The following MAP3K7CL variants were observed in gnomAD, a reference collection of about 807,000 sequenced individuals.
MAP3K7CL encodes the protein MAP3K7 C-terminal like.
Under a neutral mutation model 18.6 loss-of-function variants are expected in MAP3K7CL, and 16 were observed. That is an observed-to-expected ratio of 0.86 (90% CI 0.58 to 1.31). The LOEUF (loss-of-function observed/expected upper bound fraction) is 1.31. Among genes scored for constraint, MAP3K7CL ranks in the 50% most tolerant of loss-of-function variants. The pLI is 0.00. For missense variants in MAP3K7CL, 163 were observed against 174.4 expected, an observed-to-expected ratio of 0.93 and a Z score of 0.37; for synonymous variants, 65 against 66.8, an observed-to-expected ratio of 0.97 and a Z score of 0.13.
intron 4 of MAP3K7CL, among the ~76,000 whole-genome samples, chr21:29,101,287 C>A (rs2086225736): frequency 1.3e-5 from 2 of 152,184 alleles, no homozygotes; most frequent in Non-Finnish European, 2.9e-5. Flanking sequence ...CACAGAGTAT[C>A]TGCTTCATAA....
At chr21:29,099,947 G>T (rs1231548805) in intron 4 of MAP3K7CL, among the ~76,000 whole-genome samples, 1 of 152,078 alleles carries the variant, frequency 6.6e-6, no homozygotes, top group Non-Finnish European at 1.5e-5. Flanking sequence ...GCCGGGCGTG[G>T]TGGCGGGCGC....
chr21:29,154,151 G>A (rs540615228), intron 3 of MAP3K7CL, among the ~76,000 whole-genome samples: 1 of 152,270 alleles, frequency 6.6e-6, no homozygotes, highest in East Asian at 1.9e-4. Flanking sequence ...TCACATTGTT[G>A]TGGGAATTAA....
At chr21:29,110,176 T>A (rs575661327) in intron 4 of MAP3K7CL, among the ~76,000 whole-genome samples, 1 of 152,336 alleles carries the variant, frequency 6.6e-6, no homozygotes, top group East Asian at 1.9e-4. Context: ...AACACAAAAT[T>A]AATCTATTTT....
At chr21:29,160,892 ATTG>A (rs1419749405) in intron 4 of MAP3K7CL, among the ~76,000 whole-genome samples, 1 of 152,248 alleles carries the variant, frequency 6.6e-6, no homozygotes, top group African/African-American at 2.4e-5. Flanking sequence ...TGAGTAAATT[ATTG>A]TTGATGTGTG....
intron 3 of MAP3K7CL, among the ~76,000 whole-genome samples, chr21:29,152,152 G>T (rs1174315440): frequency 6.6e-6 from 1 of 152,184 alleles, no homozygotes; most frequent in East Asian, 1.9e-4. Context: ...TTTTGGGTAG[G>T]GTTGCCTCTG....
Position 29,175,504 on chromosome 21 carries a change from A to C in MAP3K7CL, c.*612A>C. ...TTAGCAGAAACCATGTTTGTAACCA[A>C]AGCACATTTGCCAATGCTAACTGGC... On this transcript the variant is annotated 3_prime_UTR_variant, in exon 5 of 5. Transcript: ENST00000399928. 1 of 152,244 alleles carries C rather than the reference A, an allele frequency of 6.6e-6. No homozygotes were observed. The highest frequency in any genetic ancestry group is 1.9e-4 in the East Asian group (1 of 5,202). The allele number at this position is 152,244 out of a possible 1,614,324, so 9.4% of individuals were successfully genotyped here. A position where few individuals can be genotyped will look rare whatever the true frequency, so the allele number is the denominator to read the frequency against.
In MAP3K7CL at chr21:29,167,800, T is replaced by C. The variant is rs376862114; in HGVS notation, c.249-6912T>C. ...CTGCAAGCTCCATCTCCCCGGTTCA[T>C]GCCATTCTCCTGCTTCAGCCTCCCA... On this transcript the variant is annotated intron_variant, in intron 4 of 4. Transcript: ENST00000399928. 1.8e-4 allele frequency among the ~76,000 whole-genome samples: 27 copies of C among 150,216 alleles called. No homozygotes were observed. The East Asian group carries it at 4.4e-3, about 24-fold the overall frequency.
chr21:29,131,941 A>C (rs1332913695), intron 1 of MAP3K7CL, among the ~76,000 whole-genome samples: 1 of 152,214 alleles, frequency 6.6e-6, no homozygotes, highest in Admixed American at 6.5e-5. Flanking sequence ...GTGCTGTGAG[A>C]AAATGTCCTG....
chr21:29,153,354 G>T lies in MAP3K7CL; in HGVS notation c.132+4104G>T, dbSNP rs528563508. Among the ~76,000 whole-genome samples the T allele has an allele frequency of 6.6e-5, 10 of 152,340 alleles. No homozygotes were observed. The South Asian group carries it at 2.1e-3, about 32-fold the overall frequency. ...AAATTTCCCATGCCCATCAGGGACA[G>T]TATTTGAGTAGAGCTAGTGTAGATG... On this transcript the variant is annotated intron_variant, in intron 3 of 4. Transcript: ENST00000399928.
chr21:29,100,045 C>T (rs1191504931), intron 4 of MAP3K7CL, among the ~76,000 whole-genome samples: 1 of 150,436 alleles, frequency 6.6e-6, no homozygotes, highest in Non-Finnish European at 1.5e-5. Context: ...ATCACGCCAC[C>T]TCACTCTAGC....
In MAP3K7CL at chr21:29,159,939, A is replaced by G; in HGVS notation, c.133-2A>G. The G allele has an allele frequency of 6.2e-7, 1 of 1,611,064 alleles. No homozygotes were observed. The highest frequency in any genetic ancestry group is 8.5e-7 in the Non-Finnish European group (1 of 1,178,018). On this transcript the variant is annotated splice_acceptor_variant, in intron 3 of 4. Transcript: ENST00000399928. LOFTEE classifies it high-confidence loss of function. Reference sequence around the variant, plus strand: ...ACTAATTTCTTCTTGTTGTTTGTGAAGCCCCTGCCGCCTTGTCATGACTCC... The same window carrying G: ...ACTAATTTCTTCTTGTTGTTTGTGAGGCCCCTGCCGCCTTGTCATGACTCC...
intron 2 of MAP3K7CL, among the ~76,000 whole-genome samples, chr21:29,141,037 A>G (rs2086995513): frequency 6.6e-6 from 1 of 152,182 alleles, no homozygotes; most frequent in Non-Finnish European, 1.5e-5. Flanking sequence ...TCAGCCTCCC[A>G]AAGTGCTGAG....
chr21:29,092,306 A>G (rs902974833), intron 3 of MAP3K7CL: 3 of 757,914 alleles, frequency 4.0e-6, no homozygotes, highest in East Asian at 3.4e-5. Flanking sequence ...GATTTAAACC[A>G]TTAACAACCC....
chr21:29,124,353 C>CA (rs59499297), intron 4 of MAP3K7CL, among the ~76,000 whole-genome samples: 2,258 of 78,178 alleles, frequency 0.029, 113 homozygotes, highest in East Asian at 0.14. Flanking sequence ...GACTCCGTCT[C>CA]AAAAAAAAAA....
At chr21:29,168,133 A>C (rs192010639) in intron 4 of MAP3K7CL, among the ~76,000 whole-genome samples, 1 of 152,226 alleles carries the variant, frequency 6.6e-6, no homozygotes, top group East Asian at 1.9e-4. Context: ...TTAAATATTT[A>C]CTCAGCCTCC....
At chr21:29,167,162 A>G (rs1476755287) in intron 4 of MAP3K7CL, among the ~76,000 whole-genome samples, 2 of 152,354 alleles carry the variant, frequency 1.3e-5, no homozygotes, top group South Asian at 2.1e-4. Context: ...GATGTTACAC[A>G]GGTTCTCCTG....
At chr21:29,109,558 T>C in intron 4 of MAP3K7CL, 1 of 1,020,308 alleles carries the variant, frequency 9.8e-7, no homozygotes, top group Non-Finnish European at 1.2e-6. Context: ...TCTACTGAAA[T>C]CCATTTTTTG....
In MAP3K7CL at chr21:29,175,815, A is replaced by C. The variant is rs1167821007; in HGVS notation, c.*923A>C. 3.3e-5 allele frequency: 5 copies of C among 152,210 alleles called. No homozygotes were observed. Among genetic ancestry groups the C allele is most frequent in the African/African-American group, 1.2e-4 (5 of 41,450 alleles). The allele number at this position is 152,210 out of a possible 1,614,324, so 9.4% of individuals were successfully genotyped here. A position where few individuals can be genotyped will look rare whatever the true frequency, so the allele number is the denominator to read the frequency against. ...GTTCTACCTATCACCACATTTTCTC[A>C]AATTGAACTCTTTGTTATATGTCCA... On this transcript the variant is annotated 3_prime_UTR_variant, in exon 5 of 5. Transcript: ENST00000399928.
At chr21:29,164,547 G>T (rs935219017) in intron 4 of MAP3K7CL, among the ~76,000 whole-genome samples, 5 of 152,230 alleles carry the variant, frequency 3.3e-5, no homozygotes, top group African/African-American at 1.2e-4. Context: ...AGGTCTCCCT[G>T]GATCAAGTTT....
Sources: gnomAD v4.1 joint callset for allele counts (sites outside exome capture counted in the v4.1 genomes callset) on GRCh38, gnomAD v4.1.1 for gene constraint, MANE v1.5 for transcripts, NCBI Gene and HGNC (gene_info 2026-07-23, HGNC 2026-07-21) for gene names.